Variants in DNAJC14 observed in about 807,000 individuals in gnomAD.
DNAJC14 encodes the protein DnaJ heat shock protein family (Hsp40) member C14.
DNAJC14 carries 12 observed loss-of-function variants against 68.8 expected under a neutral mutation model. The observed-to-expected ratio is 0.17, with a 90% CI of 0.11 to 0.28. DNAJC14 has a LOEUF of 0.28. Ranked by LOEUF, DNAJC14 falls within the 10% of genes least tolerant of loss-of-function variation. The pLI is 1.00. For synonymous variants in DNAJC14, 350 were observed against 321.5 expected (o/e 1.09, Z -0.95); for missense variants, 764 against 875.6 (o/e 0.87, Z 1.61).
Position 55,821,916 on chromosome 12 carries a change from T to C in DNAJC14, c.*61A>G. The C allele has an allele frequency of 6.6e-7, 1 of 1,508,206 alleles. No homozygotes were observed. The highest frequency in any genetic ancestry group is 8.9e-7 in the Non-Finnish European group (1 of 1,118,868). The allele number at this position is 1,508,206 out of a possible 1,614,324, so 93.4% of individuals were successfully genotyped here. A position where few individuals can be genotyped will look rare whatever the true frequency, so the allele number is the denominator to read the frequency against. On this transcript the variant is annotated 3_prime_UTR_variant, in exon 7 of 7. Transcript: ENST00000678005. ...TTGGGGGAGGAGGGATAAATCAAAC[T>C]CCATCCTGTGCTACAGCCCTTTTGA...
chr12:55,829,079 T>TA (rs1398609582), intron 1 of DNAJC14: 41 of 991,808 alleles, frequency 4.1e-5, no homozygotes, highest in Non-Finnish European at 4.8e-5. Flanking sequence ...CATGCGGCCC[T>TA]GGAGGAAAAT....
chr12:55,830,483 C>G (rs1471540950), upstream of DNAJC14: 1 of 152,306 alleles, frequency 6.6e-6, no homozygotes, highest in Non-Finnish European at 1.5e-5. Context: ...TTGGCGCTCC[C>G]CGACCAGCAA....
intron 2 of DNAJC14, among the ~76,000 whole-genome samples, chr12:55,824,294 G>C (rs17118026): frequency 0.02 from 3,000 of 152,154 alleles, 50 homozygotes; most frequent in African/African-American, 0.049. Context: ...TTTTTAACTA[G>C]AAAATTCTCA....
Position 55,821,855 on chromosome 12 carries a change from CAAAAAA to C in DNAJC14, c.*116_*121del. 8.5e-7 allele frequency: 1 copy of C among 1,174,404 alleles called. No individual in the cohort carries two copies. Among genetic ancestry groups the C allele is most frequent in the Non-Finnish European group, 1.2e-6 (1 of 843,400 alleles). 72.7% of individuals were successfully genotyped at this position (1,174,404 alleles called of 1,614,324 possible). ...TGGGCAACAGAGCAAGACTCCATCT[CAAAAAA>C]TAAAAAGAAAAAGATTCAGTTCCTA... is the stretch of plus-strand genomic sequence containing the variant. On this transcript the variant is annotated 3_prime_UTR_variant, in exon 7 of 7. Transcript: ENST00000678005.
In DNAJC14 at chr12:55,827,939, T is replaced by A; in HGVS notation, c.720A>T (p.Gly240=). The change falls in exon 2 of 7, where the codon GGA becomes GGT. Residue 240 remains glycine (G), a synonymous_variant. Transcript: ENST00000678005. ...ADKRKGLGLW[G]AEELCQLGQA... ...GTCCAAGTTGACATAGTTCCTCGGC[T>A]CCCCACAATCCCAGGCCTTTGCGCT... The A allele has an allele frequency of 6.2e-7, 1 of 1,606,962 alleles. No homozygotes were observed. Among genetic ancestry groups the A allele is most frequent in the East Asian group, 2.2e-5 (1 of 44,714 alleles).
chr12:55,823,036 G>A lies in DNAJC14; in HGVS notation c.1634+34C>T, dbSNP rs1212013595. 4 of 1,611,290 alleles carry A rather than the reference G, an allele frequency of 2.5e-6. No homozygotes were observed. In the African/African-American group the frequency reaches 5.3e-5, roughly 22 times the overall value. ...TCCTTGGTTACATAATCCCTGAGCT[G>A]TGATTGTCCCATCCCTCTCCTTCTA... is the stretch of plus-strand genomic sequence containing the variant. On this transcript the variant is annotated intron_variant, in intron 4 of 6. Transcript: ENST00000678005.
chr12:55,823,342 C>T, intron 3 of DNAJC14, 60 bp downstream of exon 3: 1 of 1,601,886 alleles, frequency 6.2e-7, no homozygotes. Context: ...AGTCCAGATG[C>T]CTCTGCTATT....
Position 55,821,016 on chromosome 12 carries a change from C to T in DNAJC14, c.*961G>A, listed in dbSNP as rs899699149. ...GTTATACATTTATAGAAAGATAATC[C>T]CCTGGCTTTAAATAGTCATGTACAT... On this transcript the variant is annotated 3_prime_UTR_variant, in exon 7 of 7. Transcript: ENST00000678005. The T allele has an allele frequency of 6.5e-6, 1 of 152,818 alleles. No individual in the cohort carries two copies. The highest frequency in any genetic ancestry group is 2.4e-5 in the African/African-American group (1 of 41,364). 9.5% of individuals were successfully genotyped at this position (152,818 alleles called of 1,614,324 possible).
chr12:55,825,230 G>A (rs1229688352), intron 2 of DNAJC14, among the ~76,000 whole-genome samples: 1 of 151,832 alleles, frequency 6.6e-6, no homozygotes, highest in East Asian at 1.9e-4. Flanking sequence ...TACAGGTGTG[G>A]TGGTTTACTG....
chr12:55,821,877 T>G lies in DNAJC14; in HGVS notation c.*100A>C, dbSNP rs978171872. The G allele has an allele frequency of 3.3e-5, 41 of 1,259,726 alleles. No homozygotes were observed. The highest frequency in any genetic ancestry group is 2.5e-4 in the East Asian group (10 of 40,450). 78.0% of individuals were successfully genotyped at this position (1,259,726 alleles called of 1,614,324 possible). A position where few individuals can be genotyped will look rare whatever the true frequency, so the allele number is the denominator to read the frequency against. On this transcript the variant is annotated 3_prime_UTR_variant, in exon 7 of 7. Coordinates refer to ENST00000678005, the MANE Select transcript of DNAJC14 (RefSeq NM_032364.6). ...TCTCAAAAAATAAAAAGAAAAAGAT[T>G]CAGTTCCTAGGTGTTGGGGGAGGAG...
chr12:55,827,646 A>C lies in DNAJC14; in HGVS notation c.1013T>G (p.Phe338Cys). ...CCATCCCAACTGTAGAAAGCCCAAA[A>C]AGAGGGCCAGAGCCAGGAGCAGCAA... ...GALLLLALAL[F>C]LGFLQLGWRF... Residue 338 changes from phenylalanine (F) to cysteine (C), a missense_variant, in exon 2 of 7, where the codon TTT becomes TGT. Physicochemically the swap from Phe to Cys is radical, Grantham distance 205. Coordinates refer to ENST00000678005, the MANE Select transcript of DNAJC14 (RefSeq NM_032364.6). The C allele has an allele frequency of 1.2e-6, 2 of 1,612,738 alleles. No homozygotes were observed. Among genetic ancestry groups the C allele is most frequent in the Non-Finnish European group, 1.7e-6 (2 of 1,179,366 alleles).
At chr12:55,822,532 C>A (rs1341716630) in intron 5 of DNAJC14, 40 bp downstream of exon 5, 1 of 1,613,794 alleles carries the variant, frequency 6.2e-7, no homozygotes. Context: ...CATAAAAGAT[C>A]AGGAAGTATG....
intron 2 of DNAJC14, among the ~76,000 whole-genome samples, chr12:55,824,184 A>C (rs1880737407): frequency 6.6e-6 from 1 of 152,106 alleles, no homozygotes; most frequent in South Asian, 2.1e-4. Flanking sequence ...ATGCCTCTAG[A>C]AACTCCTCAA....
At position 55,828,702 on chromosome 12, in the gene DNAJC14, T is replaced by C. The variant is rs1369087903; in HGVS notation, c.-44A>G. ...GGGTCTTAGGTCACAGCCATCATGG[T>C]GTGTTCTGATGCCTGTAACAGATAT... is the stretch of plus-strand genomic sequence containing the variant. On this transcript the variant is annotated 5_prime_UTR_variant, in exon 2 of 7. Coordinates refer to ENST00000678005, the MANE Select transcript of DNAJC14 (RefSeq NM_032364.6). 3.2e-6 allele frequency: 5 copies of C among 1,558,854 alleles called. No homozygotes were observed. The highest frequency in any genetic ancestry group is 4.3e-6 in the Non-Finnish European group (5 of 1,151,214).
At chr12:55,826,531 G>A (rs1377982251) in intron 2 of DNAJC14, among the ~76,000 whole-genome samples, 1 of 152,138 alleles carries the variant, frequency 6.6e-6, no homozygotes, top group African/African-American at 2.4e-5. Context: ...GCTGGGCACA[G>A]TGGCTCCTGC....
At chr12:55,829,375 G>A (rs1217475225) in intron 1 of DNAJC14, 114 bp downstream of exon 1, 52 of 977,688 alleles carry the variant, frequency 5.3e-5, no homozygotes, top group South Asian at 1.4e-4. Context: ...AACCCGGGAG[G>A]TGGAGGTTGC....
intron 4 of DNAJC14, 68 bp from the exon 5 acceptor site, chr12:55,822,800 T>TA: frequency 1.3e-6 from 2 of 1,569,860 alleles, no homozygotes; most frequent in Non-Finnish European, 1.7e-6. Flanking sequence ...CTAGTAGTCT[T>TA]ACCATTATTC....
intron 4 of DNAJC14, 36 bp from the exon 5 acceptor site, chr12:55,822,768 G>A: frequency 6.2e-7 from 1 of 1,609,432 alleles, no homozygotes; most frequent in Non-Finnish European, 8.5e-7. Context: ...TTAATAATTT[G>A]TCAAGCCTAC....
chr12:55,821,938 T>C lies in DNAJC14; in HGVS notation c.*39A>G. On this transcript the variant is annotated 3_prime_UTR_variant, in exon 7 of 7. Transcript: ENST00000678005. ...AACTCCATCCTGTGCTACAGCCCTT[T>C]TGACTCCCTGACATTGATTTGAGGA... 11 of 1,576,568 alleles carry C rather than the reference T, an allele frequency of 7.0e-6. No individual in the cohort carries two copies. Among genetic ancestry groups the C allele is most frequent in the Non-Finnish European group, 9.5e-6 (11 of 1,160,376 alleles).
Sources: allele counts gnomAD v4.1 joint callset (sites outside exome capture counted in the v4.1 genomes callset), GRCh38; gene constraint gnomAD v4.1.1; transcripts MANE v1.5; gene names NCBI Gene and HGNC (gene_info 2026-07-23, HGNC 2026-07-21).